Variants in RIMS2 observed in about 807,000 individuals in gnomAD.
The protein encoded by RIMS2 is regulating synaptic membrane exocytosis protein 2.
A neutral mutation model predicts 174.4 loss-of-function variants in RIMS2; 59 were observed. The observed-to-expected ratio is 0.34, with a 90% CI of 0.27 to 0.42. RIMS2 has a LOEUF of 0.42. Ranked by LOEUF, RIMS2 falls within the 10% of genes least tolerant of loss-of-function variation. The probability of loss-of-function intolerance (pLI) is 1.00; values close to 1 mark genes in which losing one functional copy is unlikely to be tolerated. For missense variants in RIMS2, 1,620 were observed against 1,666.3 expected (o/e 0.97, Z 0.48); for synonymous variants, 606 against 572.5 (o/e 1.06, Z -0.84).
intron 2 of RIMS2, among the ~76,000 whole-genome samples, chr8:103,758,192 CT>C (rs1399061090): frequency 1.3e-5 from 2 of 152,116 alleles, no homozygotes; most frequent in African/African-American, 4.8e-5. Flanking sequence ...CTTCCTTCCT[CT>C]TTCCTCTGAA....
exon 10 of RIMS2, chr8:103,921,728 C>T: frequency 6.3e-7 from 1 of 1,579,884 alleles, no homozygotes; most frequent in South Asian, 1.1e-5. Context: ...TGTTACCTCT[C>T]CCATGAGTCC....
intron 1 of RIMS2, among the ~76,000 whole-genome samples, chr8:103,539,382 A>T (rs1473019428): frequency 6.6e-6 from 1 of 152,232 alleles, no homozygotes; most frequent in East Asian, 1.9e-4. Context: ...ACAAGTATAG[A>T]CAGCTATCCA....
chr8:104,102,364 A>G (rs1385701032), intron 19 of RIMS2, among the ~76,000 whole-genome samples: 1 of 152,196 alleles, frequency 6.6e-6, no homozygotes, highest in East Asian at 1.9e-4. Flanking sequence ...TCCACTGGGC[A>G]CAATTTCTTC....
intron 1 of RIMS2, among the ~76,000 whole-genome samples, chr8:103,665,672 T>C (rs1325197553): frequency 1.3e-5 from 2 of 152,242 alleles, no homozygotes; most frequent in Non-Finnish European, 2.9e-5. Flanking sequence ...ACGCTGACTT[T>C]CCAGCTTCTT....
intron 1 of RIMS2, among the ~76,000 whole-genome samples, chr8:103,529,424 G>A (rs1835858417): frequency 6.6e-6 from 1 of 152,226 alleles, no homozygotes; most frequent in Admixed American, 6.5e-5. Flanking sequence ...AACCCTCCGA[G>A]CCATGCGCGG....
At chr8:103,841,458 A>G (rs1282554834) in intron 3 of RIMS2, among the ~76,000 whole-genome samples, 1 of 152,112 alleles carries the variant, frequency 6.6e-6, no homozygotes, top group Admixed American at 6.6e-5. Flanking sequence ...AATGACCGTT[A>G]TCAGCAACAG....
chr8:103,659,720 T>G (rs185024256), intron 1 of RIMS2, among the ~76,000 whole-genome samples: 1 of 152,120 alleles, frequency 6.6e-6, no homozygotes, highest in African/African-American at 2.4e-5. Flanking sequence ...CAGAAACTGG[T>G]GGTGCAGAAA....
intron 4 of RIMS2, among the ~76,000 whole-genome samples, chr8:103,906,313 C>G (rs111322143): frequency 0.012 from 1,761 of 152,310 alleles, 43 homozygotes; most frequent in African/African-American, 0.04. Flanking sequence ...GGCACTGTCT[C>G]AGCTTACTGC....
At chr8:104,155,816 A>G (rs1347797674) in intron 19 of RIMS2, among the ~76,000 whole-genome samples, 6 of 152,248 alleles carry the variant, frequency 3.9e-5, no homozygotes, top group Admixed American at 2.6e-4. Context: ...CAAGTTTGCA[A>G]CTTTCACTCC....
chr8:103,572,790 A>C (rs2092929575), intron 1 of RIMS2, among the ~76,000 whole-genome samples: 1 of 152,040 alleles, frequency 6.6e-6, no homozygotes, highest in South Asian at 2.1e-4. Flanking sequence ...AGTTCCTTAT[A>C]GATTTTGGAT....
intron 1 of RIMS2, among the ~76,000 whole-genome samples, chr8:103,572,036 G>A (rs953091621): frequency 6.6e-6 from 1 of 152,054 alleles, no homozygotes; most frequent in Admixed American, 6.6e-5. Context: ...ATGAAGCCAC[G>A]GACCCTCGCA....
intron 19 of RIMS2, 63 bp from the exon 26 acceptor site, chr8:104,244,853 G>A (rs1326627767): frequency 6.7e-6 from 9 of 1,348,236 alleles, no homozygotes; most frequent in African/African-American, 2.9e-5. Context: ...CAGAGCCTTC[G>A]CTGATATTTC....
At chr8:103,911,967 T>A in intron 5 of RIMS2, 86 bp from the exon 9 acceptor site, 1 of 1,051,802 alleles carries the variant, frequency 9.5e-7, no homozygotes, top group Non-Finnish European at 1.3e-6. Context: ...GGTCGTACAA[T>A]CAGAGATCAT....
At chr8:104,096,717 A>T (rs2097768518) in intron 19 of RIMS2, among the ~76,000 whole-genome samples, 1 of 151,852 alleles carries the variant, frequency 6.6e-6, no homozygotes, top group Non-Finnish European at 1.5e-5. Context: ...AAAGTACAAA[A>T]ATTAGCTGGG....
At chr8:104,225,219 A>C (rs1390810759) in intron 19 of RIMS2, among the ~76,000 whole-genome samples, 1 of 152,186 alleles carries the variant, frequency 6.6e-6, no homozygotes, top group East Asian at 1.9e-4. Context: ...TCATTTCACA[A>C]ATGAGAAGAC....
intron 3 of RIMS2, among the ~76,000 whole-genome samples, chr8:103,814,479 T>C (rs2098707065): frequency 6.6e-6 from 1 of 151,974 alleles, no homozygotes; most frequent in Non-Finnish European, 1.5e-5. Flanking sequence ...TTGAGGATGA[T>C]GTAAAGAAGT....
At chr8:104,153,406 T>C (rs1002429827) in intron 19 of RIMS2, among the ~76,000 whole-genome samples, 1 of 152,170 alleles carries the variant, frequency 6.6e-6, no homozygotes, top group African/African-American at 2.4e-5. Flanking sequence ...TAACAGCATT[T>C]CTATAAAGAT....
chr8:103,834,742 T>TTCTTTCTCTCTCTCTC (rs1406395709), intron 3 of RIMS2, among the ~76,000 whole-genome samples: 20 of 109,580 alleles, frequency 1.8e-4, no homozygotes, highest in African/African-American at 8.1e-4. Flanking sequence ...CTTTCTTTCT[T>TTCTTTCTCTCTCTCTC]TCTCTCTCTT....
At chr8:103,785,619 C>T (rs1260354969) in intron 3 of RIMS2, among the ~76,000 whole-genome samples, 2 of 151,982 alleles carry the variant, frequency 1.3e-5, no homozygotes, top group Non-Finnish European at 2.9e-5. Flanking sequence ...AGGGATGAAG[C>T]CCACTTGATC....
Sources: gnomAD v4.1 joint callset for allele counts (sites outside exome capture counted in the v4.1 genomes callset) on GRCh38, gnomAD v4.1.1 for gene constraint, MANE v1.5 for transcripts, NCBI Gene and HGNC (gene_info 2026-07-23, HGNC 2026-07-21) for gene names.